Variants in EPHA5 observed in about 807,000 individuals in gnomAD.
EPHA5 encodes EPH receptor A5.
A neutral mutation model predicts 105.0 loss-of-function variants in EPHA5; 60 were observed. The observed-to-expected ratio is 0.57, with a 90% confidence interval of 0.46 to 0.71. The LOEUF is 0.71. EPHA5 is among the 30% of genes least tolerant of loss of function. The pLI is 0.00. For missense variants in EPHA5, 1,218 were observed against 1,274.7 expected (o/e 0.96, Z 0.68); for synonymous variants, 513 against 449.1 (o/e 1.14, Z -1.80).
intron 3 of EPHA5, among the ~76,000 whole-genome samples, chr4:65,572,995 C>A (rs1055240509): frequency 6.6e-6 from 1 of 151,930 alleles, no homozygotes; most frequent in African/African-American, 2.4e-5. Context: ...CATGCCATTG[C>A]ACTCAAGCCC....
chr4:65,325,923 C>T (rs1290423576), intron 16 of EPHA5, among the ~76,000 whole-genome samples: 2 of 150,640 alleles, frequency 1.3e-5, no homozygotes, highest in Non-Finnish European at 3.0e-5. Flanking sequence ...GCACCACCAG[C>T]CCTTCATTTT....
At chr4:65,518,423 A>G (rs1356772111) in intron 3 of EPHA5, among the ~76,000 whole-genome samples, 1 of 152,020 alleles carries the variant, frequency 6.6e-6, no homozygotes, top group East Asian at 1.9e-4. Flanking sequence ...ATATTCACAC[A>G]CACACACACA....
At chr4:65,629,456 G>A (rs1474303130) in intron 2 of EPHA5, among the ~76,000 whole-genome samples, 1 of 152,090 alleles carries the variant, frequency 6.6e-6, no homozygotes, top group East Asian at 1.9e-4. Flanking sequence ...ACAATCAATA[G>A]GTGCAATAAA....
At chr4:65,331,455 T>C in intron 16 of EPHA5, 1 of 1,047,800 alleles carries the variant, frequency 9.5e-7, no homozygotes, top group Non-Finnish European at 1.2e-6. Context: ...ATCTGATACA[T>C]CCTTAGATTG....
intron 3 of EPHA5, among the ~76,000 whole-genome samples, chr4:65,511,477 C>T (rs955999115): frequency 6.6e-6 from 1 of 152,062 alleles, no homozygotes; most frequent in African/African-American, 2.4e-5. Context: ...ATCAATGGGA[C>T]TACATCAAAT....
intron 3 of EPHA5, among the ~76,000 whole-genome samples, chr4:65,496,955 A>G (rs1209425415): frequency 6.6e-6 from 1 of 152,214 alleles, no homozygotes; most frequent in Non-Finnish European, 1.5e-5. Flanking sequence ...ATGCGCATGA[A>G]GTAAATCTTT....
intron 5 of EPHA5, among the ~76,000 whole-genome samples, chr4:65,478,672 A>T (rs987048608): frequency 1.7e-4 from 26 of 152,100 alleles, no homozygotes; most frequent in African/African-American, 6.3e-4. Context: ...GGGTTCCGCC[A>T]TGCTGGCCAG....
chr4:65,477,862 T>C (rs563840299), intron 5 of EPHA5, among the ~76,000 whole-genome samples: 1 of 152,266 alleles, frequency 6.6e-6, no homozygotes. Flanking sequence ...ATCATGTCTC[T>C]GACATCACTA....
chr4:65,374,127 G>A (rs547433145), intron 8 of EPHA5, among the ~76,000 whole-genome samples: 1 of 151,984 alleles, frequency 6.6e-6, no homozygotes, highest in South Asian at 2.1e-4. Context: ...GTAAAACTAT[G>A]ATTAGAACGT....
At chr4:65,650,575 G>GCA (rs1748525204) in intron 1 of EPHA5, among the ~76,000 whole-genome samples, 1 of 141,610 alleles carries the variant, frequency 7.1e-6, no homozygotes, top group African/African-American at 2.7e-5. Context: ...AAAAAAAAGA[G>GCA]CTAGTTGTTA....
chr4:65,662,482 C>G (rs1749633751), intron 1 of EPHA5, among the ~76,000 whole-genome samples: 1 of 152,098 alleles, frequency 6.6e-6, no homozygotes, highest in Admixed American at 6.5e-5. Flanking sequence ...ATCACAGACA[C>G]TTTAATCCCA....
intron 2 of EPHA5, among the ~76,000 whole-genome samples, chr4:65,618,590 C>T (rs1415786273): frequency 6.6e-6 from 1 of 152,144 alleles, no homozygotes; most frequent in Non-Finnish European, 1.5e-5. Flanking sequence ...TAAGTAGTTA[C>T]TTTATTGCTT....
At chr4:65,491,325 C>T (rs1189285174) in intron 4 of EPHA5, among the ~76,000 whole-genome samples, 3 of 151,728 alleles carry the variant, frequency 2.0e-5, no homozygotes, top group Non-Finnish European at 4.4e-5. Flanking sequence ...TGCAGTAAAA[C>T]ATATTTTACT....
chr4:65,336,166 A>T (rs763388951), intron 14 of EPHA5, 41 bp from the exon 15 acceptor site: 30 of 1,510,960 alleles, frequency 2.0e-5, no homozygotes, highest in Non-Finnish European at 2.7e-5. Context: ...AACACCACAA[A>T]TTTAGTATAG....
chr4:65,360,642 A>G (rs2148877737), intron 11 of EPHA5, among the ~76,000 whole-genome samples: 1 of 151,776 alleles, frequency 6.6e-6, no homozygotes, highest in African/African-American at 2.4e-5. Flanking sequence ...ATGCAATGTT[A>G]ATAATTAATA....
intron 2 of EPHA5, among the ~76,000 whole-genome samples, chr4:65,602,791 A>G (rs2149443305): frequency 6.6e-6 from 1 of 152,304 alleles, no homozygotes; most frequent in East Asian, 1.9e-4. Flanking sequence ...GTAATATAAA[A>G]ACAGTCATTT....
intron 8 of EPHA5, among the ~76,000 whole-genome samples, chr4:65,380,216 G>T (rs1308318819): frequency 6.6e-6 from 1 of 151,700 alleles, no homozygotes; most frequent in Non-Finnish European, 1.5e-5. Flanking sequence ...GCTATAACAA[G>T]ATTGTTTTAA....
At chr4:65,650,026 T>C (rs1480377453) in intron 1 of EPHA5, among the ~76,000 whole-genome samples, 1 of 152,208 alleles carries the variant, frequency 6.6e-6, no homozygotes, top group East Asian at 1.9e-4. Flanking sequence ...TAACAAATGA[T>C]ATTGATATTA....
intron 3 of EPHA5, among the ~76,000 whole-genome samples, chr4:65,497,078 G>A (rs545871418): frequency 4.3e-4 from 65 of 152,272 alleles, no homozygotes; most frequent in African/African-American, 1.5e-3. Context: ...CTACCAAACT[G>A]ATGGTTTGAG....
Sources: gnomAD v4.1 joint callset for allele counts (sites outside exome capture counted in the v4.1 genomes callset) on GRCh38, gnomAD v4.1.1 for gene constraint, MANE v1.5 for transcripts, NCBI Gene and HGNC (gene_info 2026-07-23, HGNC 2026-07-21) for gene names.